The following PTPN21 variants were observed in gnomAD, a reference collection of about 807,000 sequenced individuals.
PTPN21 encodes protein tyrosine phosphatase non-receptor type 21.
PTPN21 carries 77 observed loss-of-function variants against 131.8 expected under a neutral mutation model. The ratio of observed to expected loss-of-function variants is 0.58; its 90% CI spans 0.49 to 0.71. PTPN21 has a LOEUF of 0.71. Among genes scored for constraint, PTPN21 ranks in the 30% least tolerant of loss-of-function variants. The pLI is 0.00. For missense variants in PTPN21, 1,552 were observed against 1,527.1 expected, an observed-to-expected ratio of 1.02 and a Z score of -0.27; for synonymous variants, 715 against 621.3, an observed-to-expected ratio of 1.15 and a Z score of -2.24.
intron 15 of PTPN21, 99 bp from the exon 16 acceptor site, chr14:88,470,149 A>C (rs2077437613): frequency 9.0e-7 from 1 of 1,116,682 alleles, no homozygotes; most frequent in African/African-American, 1.6e-5. Context: ...TTTTTTAAAA[A>C]AGTAAAAAGT....
At chr14:88,496,519 A>G (rs759419972) in intron 9 of PTPN21, 27 bp from the exon 10 acceptor site, 8 of 1,536,048 alleles carry the variant, frequency 5.2e-6, no homozygotes, top group Admixed American at 1.7e-5. Context: ...GCATAAAGCA[A>G]TATGAAAGCA....
rs1158332307 is a variant in PTPN21 at position 88,554,961 on chromosome 14, G to T, written c.-513C>A. Reference sequence around the variant, plus strand: ...AGGAGGACGGACAGACCGTCGGACCGACGCGGGACGCGCGGCCGGAGCAGC... The same window carrying T: ...AGGAGGACGGACAGACCGTCGGACCTACGCGGGACGCGCGGCCGGAGCAGC... On this transcript the variant is annotated 5_prime_UTR_variant, in exon 1 of 19. Transcript: ENST00000556564. Among the ~76,000 whole-genome samples, 4 of 151,598 alleles carry T rather than the reference G, an allele frequency of 2.6e-5. No homozygotes were observed. Among genetic ancestry groups the T allele is most frequent in the Admixed American group, 1.3e-4 (2 of 15,222 alleles).
At position 88,473,776 on chromosome 14, in the gene PTPN21, T is replaced by G. The variant is rs1555382533; in HGVS notation, c.2538A>C (p.Ala846=). Residue 846 remains alanine, a synonymous_variant, in exon 14 of 19, where the codon GCA becomes GCC. Transcript: ENST00000556564. The part of the protein sequence containing the change: ...LGGMKKTRVD[A]KKIGPLKLAA... ...CCAGTTTAAGAGGACCAATTTTTTTTGCATCTACTCGAGTCTTTTTCATTC... is the reference window on the plus strand; with the variant it reads ...CCAGTTTAAGAGGACCAATTTTTTTGGCATCTACTCGAGTCTTTTTCATTC... 5 of 1,610,382 alleles carry G rather than the reference T, an allele frequency of 3.1e-6. No homozygotes were observed. The highest frequency in any genetic ancestry group is 1.1e-5 in the South Asian group (1 of 90,194).
intron 14 of PTPN21, 48 bp downstream of exon 14, chr14:88,473,617 A>G (rs748820253): frequency 6.3e-7 from 1 of 1,577,244 alleles, no homozygotes; most frequent in South Asian, 1.2e-5. Context: ...CGTAGTATTT[A>G]CCGGTTGTTC....
chr14:88,507,190 A>T (rs748403330), intron 4 of PTPN21, among the ~76,000 whole-genome samples: 32 of 152,216 alleles, frequency 2.1e-4, no homozygotes, highest in Non-Finnish European at 1.3e-4. Context: ...TAACCTCATC[A>T]AACTCACTGA....
At position 88,525,059 on chromosome 14, in the gene PTPN21, A is replaced by ATAGTGAAAC. The variant is rs1185828142; in HGVS notation, c.181-7807_181-7799dup. 3.3e-5 allele frequency among the ~76,000 whole-genome samples: 5 copies of ATAGTGAAAC among 151,790 alleles called. No homozygotes were observed. In the East Asian group the frequency reaches 9.7e-4, roughly 29 times the overall value. Reference sequence around the variant, plus strand: ...GAAGTTTGAGACAATCGTGGACAACATAGTGAAACTTTGCCTCTACAAAAA... The same window carrying ATAGTGAAAC: ...GAAGTTTGAGACAATCGTGGACAACATAGTGAAACTAGTGAAACTTTGCCTCTACAAAAA... On this transcript the variant is annotated intron_variant, in intron 2 of 18. Coordinates refer to ENST00000556564, the MANE Select transcript of PTPN21 (RefSeq NM_007039.4).
At chr14:88,468,615 G>A (rs929614380) in intron 18 of PTPN21, among the ~76,000 whole-genome samples, 2 of 152,196 alleles carry the variant, frequency 1.3e-5, no homozygotes, top group Non-Finnish European at 2.9e-5. Context: ...GCTCTGGGCA[G>A]CATGAATCAT....
At chr14:88,517,788 A>G (rs1031627932) in intron 2 of PTPN21, among the ~76,000 whole-genome samples, 8 of 146,608 alleles carry the variant, frequency 5.5e-5, no homozygotes, top group Non-Finnish European at 9.0e-5. Context: ...TGGTATATAT[A>G]TATGTGTACA....
At chr14:88,511,538 C>T (rs143595536) in intron 3 of PTPN21, among the ~76,000 whole-genome samples, 1,971 of 152,056 alleles carry the variant, frequency 0.013, 14 homozygotes, top group Admixed American at 0.022. Context: ...CGGGCATGGT[C>T]GTGGGCACCT....
At chr14:88,491,163 G>T (rs2077817871) in intron 10 of PTPN21, among the ~76,000 whole-genome samples, 1 of 152,168 alleles carries the variant, frequency 6.6e-6, no homozygotes, top group Non-Finnish European at 1.5e-5. Context: ...ACATTTTTAA[G>T]GTTTGGATAA....
At chr14:88,494,774 G>A (rs2077879069) in intron 10 of PTPN21, among the ~76,000 whole-genome samples, 1 of 152,074 alleles carries the variant, frequency 6.6e-6, no homozygotes, top group Non-Finnish European at 1.5e-5. Flanking sequence ...AGCACTTTGG[G>A]AGGCTGAGGC....
intron 13 of PTPN21, among the ~76,000 whole-genome samples, chr14:88,474,571 G>GCC (rs761552222): frequency 6.6e-6 from 1 of 151,866 alleles, no homozygotes; most frequent in Non-Finnish European, 1.5e-5. Flanking sequence ...TGTGTGTTAA[G>GCC]CCCCCTCCTC....
intron 2 of PTPN21, among the ~76,000 whole-genome samples, chr14:88,541,710 G>A (rs1471211367): frequency 6.6e-6 from 1 of 152,160 alleles, no homozygotes; most frequent in African/African-American, 2.4e-5. Context: ...ACCTAAAGAT[G>A]AAGGCCAAAG....
chr14:88,487,063 A>G (rs138609102), intron 10 of PTPN21, among the ~76,000 whole-genome samples: 84 of 152,128 alleles, frequency 5.5e-4, no homozygotes, highest in African/African-American at 1.6e-3. Context: ...TCAACTACTC[A>G]CACAGCAAGT....
At position 88,554,938 on chromosome 14, in the gene PTPN21, G is replaced by A. The variant is rs2078905283; in HGVS notation, c.-490C>T. 6.6e-6 allele frequency among the ~76,000 whole-genome samples: 1 copy of A among 151,650 alleles called. No homozygotes were observed. The highest frequency in any genetic ancestry group is 1.5e-5 in the Non-Finnish European group (1 of 67,844). ...GCCCCGTGGGGGCGGGGGGTGGCAG[G>A]AGGACGGACAGACCGTCGGACCGAC... On this transcript the variant is annotated 5_prime_UTR_variant, in exon 1 of 19. Transcript: ENST00000556564.
chr14:88,508,015 T>C lies in PTPN21; in HGVS notation c.356A>G (p.Gln119Arg). 1 of 1,565,784 alleles carries C rather than the reference T, an allele frequency of 6.4e-7. No individual in the cohort carries two copies. The highest frequency in any genetic ancestry group is 8.8e-7 in the Non-Finnish European group (1 of 1,142,264). The change falls in exon 4 of 19, where the codon CAG (glutamine) becomes CGG (arginine). Residue 119 changes from glutamine to arginine, a missense_variant. Around this residue, in one of 4 missense-constraint regions of PTPN21, gnomAD observed 206 missense variants for 221.6 expected, o/e 0.93. Transcript: ENST00000556564. ...SQLQQEITRY[Q>R]YYLQLKKDIL... is the part of the protein sequence containing the mutation. ...ATCTTTCTTCAGTTGCAGATAATAC[T>C]GATACCTATAAAAAATGTCAGTTGT...
chr14:88,528,743 G>T (rs2078514935), intron 2 of PTPN21, among the ~76,000 whole-genome samples: 1 of 152,176 alleles, frequency 6.6e-6, no homozygotes, highest in South Asian at 2.1e-4. Flanking sequence ...TGATTGTGAG[G>T]CCTTCCCAAC....
chr14:88,480,859 C>G (rs937114837), intron 12 of PTPN21, among the ~76,000 whole-genome samples: 2 of 152,200 alleles, frequency 1.3e-5, no homozygotes, highest in Non-Finnish European at 2.9e-5. Flanking sequence ...CTGAACTTCT[C>G]TGGTCCAACA....
At chr14:88,493,161 G>T in intron 10 of PTPN21, 2 of 441,584 alleles carry the variant, frequency 4.5e-6, no homozygotes, top group East Asian at 7.0e-5. Context: ...CAGGGTTACT[G>T]TAAGGATTAA....
Sources: allele counts gnomAD v4.1 joint callset (sites outside exome capture counted in the v4.1 genomes callset), GRCh38; gene constraint gnomAD v4.1.1; regional missense constraint gnomAD v4.1.1; transcripts MANE v1.5; gene names NCBI Gene and HGNC (gene_info 2026-07-23, HGNC 2026-07-21).